The following DENND2D variants were observed in gnomAD, a reference collection of about 807,000 sequenced individuals.
DENND2D encodes DENN domain containing 2D.
Under a neutral mutation model 59.8 loss-of-function variants are expected in DENND2D, and 37 were observed. The ratio of observed to expected loss-of-function variants is 0.62; its 90% CI spans 0.48 to 0.81. DENND2D has a LOEUF of 0.81. Among genes scored for constraint, DENND2D ranks in the 40% least tolerant of loss-of-function variants. The pLI is 0.00. For synonymous variants in DENND2D, 219 were observed against 211.3 expected, an observed-to-expected ratio of 1.04 and a Z score of -0.31; for missense variants, 525 against 579.7, an observed-to-expected ratio of 0.91 and a Z score of 0.97.
intron 6 of DENND2D, 125 bp from the exon 7 acceptor site, chr1:111,194,851 T>C (rs1658078918): frequency 6.6e-6 from 7 of 1,063,180 alleles, no homozygotes; most frequent in Middle Eastern, 6.3e-4. Context: ...CCTGTCTCTC[T>C]GTCCCCCTGC....
intron 2 of DENND2D, among the ~76,000 whole-genome samples, chr1:111,198,977 C>T (rs1311966228): frequency 6.8e-6 from 1 of 146,088 alleles, no homozygotes; most frequent in African/African-American, 2.5e-5. Context: ...TCTACATAAG[C>T]TTGAGTTCGA....
chr1:111,188,053 A>C, intron 11 of DENND2D, 78 bp downstream of exon 11: 3 of 1,552,502 alleles, frequency 1.9e-6, no homozygotes, highest in Non-Finnish European at 1.7e-6. Context: ...TCTAAAGAGA[A>C]GTATTCTTTC....
At position 111,199,846 on chromosome 1, in the gene DENND2D, C is replaced by T. The variant is rs59787017; in HGVS notation, c.68-48G>A. On this transcript the variant is annotated intron_variant, in intron 1 of 11. Coordinates refer to ENST00000357640, the MANE Select transcript of DENND2D (RefSeq NM_024901.5). Reference sequence around the variant, plus strand: ...TTAGTATAATCTCATTGATCCATTCCTGGAGTGGAGTCTGTGAGAATCCGG... The same window carrying T: ...TTAGTATAATCTCATTGATCCATTCTTGGAGTGGAGTCTGTGAGAATCCGG... 895 of 1,580,598 alleles carry T rather than the reference C, an allele frequency of 5.7e-4. 7 individuals carry two copies. The African/African-American group carries it at 0.011, about 20-fold the overall frequency.
At position 111,192,100 on chromosome 1, in the gene DENND2D, A is replaced by G. The variant is rs760327963; in HGVS notation, c.972+40T>C. The G allele has an allele frequency of 4.2e-5, 64 of 1,506,722 alleles. No individual in the cohort carries two copies. The South Asian group carries it at 5.6e-4, about 13-fold the overall frequency. 93.3% of individuals were successfully genotyped at this position (1,506,722 alleles called of 1,614,324 possible). ...AGAGCTGGGATCTGAATCCCACTCT[A>G]CCTGGCTCCAAATCATGCACTCTTC... is the stretch of plus-strand genomic sequence containing the variant. On this transcript the variant is annotated intron_variant, in intron 8 of 11. Transcript: ENST00000357640.
chr1:111,200,346 TA>T (rs1357848595), intron 1 of DENND2D, 46 bp downstream of exon 1: 1 of 1,592,794 alleles, frequency 6.3e-7, no homozygotes, highest in Non-Finnish European at 8.6e-7. Flanking sequence ...CAGTCCCGCC[TA>T]AGAGGGTCAC....
chr1:111,188,807 G>A (rs1366614636), intron 9 of DENND2D, 21 bp from the exon 10 acceptor site: 15 of 1,609,214 alleles, frequency 9.3e-6, no homozygotes, highest in Admixed American at 1.7e-5. Flanking sequence ...ACAGAGCTCC[G>A]AGGTCAAGCA....
At position 111,196,075 on chromosome 1, in the gene DENND2D, C is replaced by A; in HGVS notation, c.505-19G>T. ...CCAGGATCTGCAGGGAAAAGAACCA[C>A]GGGAGGCACGGCTCAAAGGGACACT... On this transcript the variant is annotated intron_variant, in intron 5 of 11. Transcript: ENST00000357640. 1 of 1,591,218 alleles carries A rather than the reference C, an allele frequency of 6.3e-7. No homozygotes were observed. The highest frequency in any genetic ancestry group is 1.7e-5 in the Admixed American group (1 of 58,260).
At chr1:111,198,010 C>T in intron 3 of DENND2D, 21 bp from the exon 4 acceptor site, 1 of 1,611,946 alleles carries the variant, frequency 6.2e-7, no homozygotes, top group African/African-American at 1.3e-5. Flanking sequence ...GCAGACAAGG[C>T]TTGATTTGTA....
chr1:111,198,843 T>C (rs1194343504), intron 2 of DENND2D, 101 bp from the exon 3 acceptor site: 1 of 1,224,188 alleles, frequency 8.2e-7, no homozygotes, highest in South Asian at 1.3e-5. Context: ...TCTAAAGCAG[T>C]CTAGGGTTAA....
chr1:111,187,881 G>A (rs1227147970), intron 11 of DENND2D, among the ~76,000 whole-genome samples, 200 bp from the exon 12 acceptor site: 2 of 152,188 alleles, frequency 1.3e-5, no homozygotes, highest in Non-Finnish European at 2.9e-5. Flanking sequence ...ATACTTAGCA[G>A]GAATTAGCTC....
At chr1:111,198,120 G>C in intron 3 of DENND2D, 131 bp from the exon 4 acceptor site, 1 of 799,206 alleles carries the variant, frequency 1.3e-6, no homozygotes, top group Non-Finnish European at 2.1e-6. Flanking sequence ...AGGGCTCACT[G>C]GTGTCAGGCC....
At chr1:111,190,179 A>C (rs1657644493) in intron 8 of DENND2D, among the ~76,000 whole-genome samples, 1 of 150,696 alleles carries the variant, frequency 6.6e-6, no homozygotes, top group African/African-American at 2.5e-5. Context: ...AAAAAAAAAA[A>C]AAAACTACCT....
chr1:111,201,608 AC>A (rs1658807680), upstream of DENND2D, among the ~76,000 whole-genome samples: 1 of 152,142 alleles, frequency 6.6e-6, no homozygotes, highest in Non-Finnish European at 1.5e-5. Context: ...TCTCACAGAA[AC>A]CCCTGAATGA....
chr1:111,191,991 A>T, intron 8 of DENND2D, 149 bp downstream of exon 8: 1 of 753,566 alleles, frequency 1.3e-6, no homozygotes, highest in South Asian at 3.5e-5. Flanking sequence ...GGAAGTGAAC[A>T]CTGTTATCCC....
chr1:111,197,347 A>G (rs1658340514), intron 4 of DENND2D, 94 bp from the exon 5 acceptor site: 1 of 1,530,720 alleles, frequency 6.5e-7, no homozygotes, highest in South Asian at 1.2e-5. Flanking sequence ...AGGGCTGGGG[A>G]GGGGGATTTA....
intron 7 of DENND2D, among the ~76,000 whole-genome samples, chr1:111,193,886 G>A (rs964937599): frequency 6.6e-6 from 1 of 152,210 alleles, no homozygotes; most frequent in African/African-American, 2.4e-5. Context: ...ATACTCAACT[G>A]TGAACTTAAG....
chr1:111,194,773 C>G (rs1658066150), intron 6 of DENND2D, 47 bp from the exon 7 acceptor site: 1 of 1,604,360 alleles, frequency 6.2e-7, no homozygotes, highest in Non-Finnish European at 8.5e-7. Context: ...ACTGCAAGAT[C>G]ATGCAGACCC....
Position 111,198,686 on chromosome 1 carries a change from G to A in DENND2D, c.300C>T (p.Ile100=), listed in dbSNP as rs368846232. 88 of 1,614,040 alleles carry A rather than the reference G, an allele frequency of 5.5e-5. No homozygotes were observed. Among genetic ancestry groups the A allele is most frequent in the Non-Finnish European group, 6.5e-5 (77 of 1,180,042 alleles). ...QEEEERLLKA[I]PLFCFPDGNE... is the part of the protein sequence containing the mutation. Reference sequence around the variant, plus strand: ...TCCCATCTGGGAAGCAGAACAAGGGGATAGCTTTGAGCAGCCGCTCCTCCT... The same window carrying A: ...TCCCATCTGGGAAGCAGAACAAGGGAATAGCTTTGAGCAGCCGCTCCTCCT... The change falls in exon 3 of 12, where the codon ATC becomes ATT. Residue 100 remains isoleucine (I), a synonymous_variant. Coordinates refer to ENST00000357640, the MANE Select transcript of DENND2D (RefSeq NM_024901.5).
At chr1:111,197,153 G>A in intron 5 of DENND2D, 23 bp downstream of exon 5, 1 of 1,610,374 alleles carries the variant, frequency 6.2e-7, no homozygotes, top group Non-Finnish European at 8.5e-7. Context: ...ATATGGGCAG[G>A]CCCTGAGGAA....
Sources: allele counts gnomAD v4.1 joint callset (sites outside exome capture counted in the v4.1 genomes callset), GRCh38; gene constraint gnomAD v4.1.1; transcripts MANE v1.5; gene names NCBI Gene and HGNC (gene_info 2026-07-23, HGNC 2026-07-21).